CEP131: variants seen among roughly 807,000 people sequenced by gnomAD.
CEP131 encodes centrosomal protein of 131 kDa.
CEP131 carries 99 observed loss-of-function variants against 136.8 expected under a neutral mutation model. That is an observed-to-expected ratio of 0.72 (90% CI 0.62 to 0.86). The LOEUF (loss-of-function observed/expected upper bound fraction) is 0.86. CEP131 is among the 40% of genes least tolerant of loss of function. The pLI is 0.00. For synonymous variants in CEP131, 646 were observed against 612.7 expected (o/e 1.05, Z -0.80); for missense variants, 1,459 against 1,463.0 (o/e 1.00, Z 0.04).
Position 81,189,668 on chromosome 17 carries a change from C to G in CEP131, c.*101G>C. 1 of 1,273,088 alleles carries G rather than the reference C, an allele frequency of 7.9e-7. No individual in the cohort carries two copies. The highest frequency in any genetic ancestry group is 1.1e-6 in the Non-Finnish European group (1 of 927,816). 78.9% of individuals were successfully genotyped at this position (1,273,088 alleles called of 1,614,324 possible). On this transcript the variant is annotated 3_prime_UTR_variant, in exon 26 of 26. Transcript: ENST00000450824. ...TAGCCGTGGGCATCTCAACCACCAG[C>G]CTCTGTGGGGGGCAGGTGGGCGTCC...
rs1032394889 is a variant in CEP131 at position 81,199,074 on chromosome 17, C to T, written c.1193-103G>A. 4.2e-6 allele frequency: 5 copies of T among 1,178,236 alleles called. No homozygotes were observed. In the Admixed American group the frequency reaches 8.7e-5, roughly 20 times the overall value. 73.0% of individuals were successfully genotyped at this position (1,178,236 alleles called of 1,614,324 possible). ...GAGCCAGGCATGGGGGAGGCGGAGGCGACCCCAGAAGCAGAGGAGCCGCTG... is the reference window on the plus strand; with the variant it reads ...GAGCCAGGCATGGGGGAGGCGGAGGTGACCCCAGAAGCAGAGGAGCCGCTG... On this transcript the variant is annotated intron_variant, in intron 10 of 25. Transcript: ENST00000450824.
chr17:81,195,752 G>A (rs79578325), intron 16 of CEP131, 83 bp downstream of exon 16: 69,531 of 1,223,206 alleles, frequency 0.057, 2,605 homozygotes, highest in African/African-American at 0.14. Flanking sequence ...CTCCAAGTCC[G>A]GTCCTGTTCT....
chr17:81,197,220 G>A (rs1379264927), intron 13 of CEP131, among the ~76,000 whole-genome samples, 165 bp from the exon 14 acceptor site: 1 of 152,234 alleles, frequency 6.6e-6, no homozygotes, highest in Non-Finnish European at 1.5e-5. Context: ...AGCAGAGGTC[G>A]TTTTCATTGC....
In CEP131 at chr17:81,208,027, CCACACACCACACACCCCCCA is replaced by C. The variant is rs2062050589; in HGVS notation, c.273-808_273-789del. On this transcript the variant is annotated intron_variant, in intron 3 of 25. Transcript: ENST00000450824. This position sits in a 1 kb window ranked among gnomAD's most constrained non-coding sequence, Gnocchi z 5.6. The stretch of plus-strand genomic sequence containing the variant: ...GACACACACCACTCACACCACACAC[CCACACACCACACACCCCCCA>C]CACACACCACACTCACACCACACAC... Among the ~76,000 whole-genome samples, 1 of 50,488 alleles carries C rather than the reference CCACACACCACACACCCCCCA, an allele frequency of 2.0e-5. No homozygotes were observed. Among genetic ancestry groups the C allele is most frequent in the African/African-American group, 7.4e-5 (1 of 13,472 alleles). 33.1% of individuals were successfully genotyped at this position (50,488 alleles called of 152,430 possible).
intron 12 of CEP131, 92 bp downstream of exon 12, chr17:81,198,023 T>G (rs2061803750): frequency 8.8e-6 from 13 of 1,480,496 alleles, no homozygotes; most frequent in Non-Finnish European, 1.2e-5. Flanking sequence ...GCCTGTGGCA[T>G]CCCCATTTTC....
chr17:81,199,263 C>A, intron 10 of CEP131, 118 bp downstream of exon 10: 2 of 1,246,352 alleles, frequency 1.6e-6, no homozygotes, highest in Non-Finnish European at 2.2e-6. Flanking sequence ...ACTCCGAGGA[C>A]TGGGGCCGCC....
chr17:81,190,360 G>A (rs1446484718), intron 24 of CEP131, among the ~76,000 whole-genome samples: 10 of 152,146 alleles, frequency 6.6e-5, no homozygotes, highest in South Asian at 2.1e-4. Flanking sequence ...CCAGGGCCCC[G>A]GGAGCTGACT....
rs143585138 is a variant in CEP131 at position 81,206,985 on chromosome 17, G to A, written c.388-114C>T. ...CAACTTCCCATACAGACAGGTGGAT[G>A]TCCTGGGGTCTGCCATGTCAGATCT... On this transcript the variant is annotated intron_variant, in intron 4 of 25. Transcript: ENST00000450824. 701 of 1,528,618 alleles carry A rather than the reference G, an allele frequency of 4.6e-4. 4 individuals carry two copies. The African/African-American group carries it at 8.8e-3, about 19-fold the overall frequency. 94.7% of individuals were successfully genotyped at this position (1,528,618 alleles called of 1,614,324 possible). A position where few individuals can be genotyped will look rare whatever the true frequency, so the allele number is the denominator to read the frequency against.
intron 13 of CEP131, 137 bp from the exon 14 acceptor site, chr17:81,197,192 G>A: frequency 1.5e-6 from 2 of 1,294,762 alleles, no homozygotes; most frequent in South Asian, 1.5e-5. Flanking sequence ...AAGCCGGAGG[G>A]CAGGTGGCAG....
chr17:81,198,090 C>T (rs1196255004), intron 12 of CEP131, 25 bp downstream of exon 12: 3 of 1,535,742 alleles, frequency 2.0e-6, no homozygotes, highest in Middle Eastern at 2.2e-4. Context: ...ACAGACTGTG[C>T]AGGGCGGGCG....
chr17:81,202,479 G>C (rs953742826), intron 6 of CEP131, 81 bp from the exon 7 acceptor site: 1 of 1,514,232 alleles, frequency 6.6e-7, no homozygotes, highest in African/African-American at 1.4e-5. Context: ...CCCACTCCCG[G>C]AAGTCCCAGG....
chr17:81,202,166 C>A, intron 7 of CEP131, 74 bp downstream of exon 7: 1 of 375,252 alleles, frequency 2.7e-6, no homozygotes. Flanking sequence ...AGGTGTGAGC[C>A]CCCCAGACCC....
At chr17:81,206,958 A>T in intron 4 of CEP131, 87 bp from the exon 5 acceptor site, 1 of 1,555,112 alleles carries the variant, frequency 6.4e-7, no homozygotes. Flanking sequence ...GGGAGGAGCC[A>T]CCAACTTCCC....
chr17:81,199,043 G>A (rs771629680), intron 10 of CEP131, 72 bp from the exon 11 acceptor site: 87 of 1,376,932 alleles, frequency 6.3e-5, no homozygotes, highest in South Asian at 2.5e-4. Context: ...AGGCACCCCC[G>A]GGAAGGAGCC....
intron 10 of CEP131, 114 bp downstream of exon 10, chr17:81,199,267 G>T: frequency 7.9e-7 from 1 of 1,268,646 alleles, no homozygotes; most frequent in Non-Finnish European, 1.1e-6. Flanking sequence ...CGAGGACTGG[G>T]GCCGCCAACA....
At chr17:81,195,447 C>G (rs981629055) in intron 16 of CEP131, among the ~76,000 whole-genome samples, 1 of 152,230 alleles carries the variant, frequency 6.6e-6, no homozygotes, top group Non-Finnish European at 1.5e-5. Flanking sequence ...GGAGCTCACA[C>G]AGCGGGAAGG....
intron 13 of CEP131, 112 bp from the exon 14 acceptor site, chr17:81,197,167 A>G (rs941937068): frequency 1.4e-6 from 2 of 1,417,384 alleles, no homozygotes; most frequent in Non-Finnish European, 1.9e-6. Context: ...GCTGCTGCAC[A>G]CGGGAGCCCG....
intron 1 of CEP131, among the ~76,000 whole-genome samples, chr17:81,221,649 C>G (rs190459282): frequency 2.0e-5 from 3 of 152,314 alleles, no homozygotes; most frequent in African/African-American, 7.2e-5. Context: ...CACTCAGAGG[C>G]CTTCCTTGAG....
At position 81,212,565 on chromosome 17, in the gene CEP131, G is replaced by A. The variant is rs532735314; in HGVS notation, c.178-3543C>T. On this transcript the variant is annotated intron_variant, in intron 2 of 25. Transcript: ENST00000450824. ...GGGGCCTGTGCAGAGGGGCTGTCCC[G>A]AGGAGCCGTGGGCAGGAGTGGGGCC... Among the ~76,000 whole-genome samples the A allele has an allele frequency of 2.5e-4, 37 of 146,496 alleles. No individual in the cohort carries two copies. The South Asian group carries it at 3.9e-3, about 15-fold the overall frequency.
Sources: allele counts gnomAD v4.1 joint callset (sites outside exome capture counted in the v4.1 genomes callset), GRCh38; gene constraint gnomAD v4.1.1; non-coding constraint Gnocchi (gnomAD v3.1); transcripts MANE v1.5; gene names NCBI Gene and HGNC (gene_info 2026-07-23, HGNC 2026-07-21).